Variants in SLC35F1 observed in about 807,000 individuals in gnomAD.
SLC35F1 encodes the protein chromosome 6 open reading frame 169.
SLC35F1 carries 14 observed loss-of-function variants against 48.7 expected under a neutral mutation model. The observed-to-expected ratio is 0.29, with a 90% CI of 0.19 to 0.45. The LOEUF (loss-of-function observed/expected upper bound fraction) is 0.45, where lower values mean the gene tolerates loss of function less well. Ranked by LOEUF, SLC35F1 falls within the 20% of genes least tolerant of loss-of-function variation. The pLI is 1.00. For synonymous variants in SLC35F1, 190 were observed against 202.2 expected, an observed-to-expected ratio of 0.94 and a Z score of 0.51; for missense variants, 404 against 500.0, an observed-to-expected ratio of 0.81 and a Z score of 1.83.
chr6:118,031,772 T>A (rs73521549), intron 1 of SLC35F1, among the ~76,000 whole-genome samples: 3,219 of 152,112 alleles, frequency 0.021, 127 homozygotes, highest in African/African-American at 0.074. Flanking sequence ...TCCATTAGAG[T>A]AAGGGGCAGT....
chr6:118,237,997 G>GA (rs35212559), intron 3 of SLC35F1, among the ~76,000 whole-genome samples: 1 of 151,988 alleles, frequency 6.6e-6, no homozygotes, highest in Non-Finnish European at 1.5e-5. Context: ...GTTCTCACTA[G>GA]AAAAAAACAT....
chr6:118,061,314 C>A (rs538241951), intron 1 of SLC35F1, among the ~76,000 whole-genome samples: 45 of 152,128 alleles, frequency 3.0e-4, no homozygotes, highest in Non-Finnish European at 1.0e-4. Flanking sequence ...GGCTGTCAGA[C>A]CTTCTGTTGG....
chr6:118,262,159 C>T lies in SLC35F1; in HGVS notation c.478-4836C>T, dbSNP rs12171565. On this transcript the variant is annotated intron_variant, in intron 3 of 7. Transcript: ENST00000360388. ...TTCATGACCGTGTTTGAGGGGGCTG[C>T]GCGCATCATGATGAGCACACTTTCG... 4.2e-3 allele frequency among the ~76,000 whole-genome samples: 637 copies of T among 152,112 alleles called. 3 individuals are homozygous for T. The highest frequency in any genetic ancestry group is 0.014 in the African/African-American group (597 of 41,490).
At chr6:118,254,362 G>A (rs892889223) in intron 3 of SLC35F1, among the ~76,000 whole-genome samples, 5 of 152,172 alleles carry the variant, frequency 3.3e-5, no homozygotes, top group African/African-American at 1.2e-4. Flanking sequence ...GCTCACTGCA[G>A]CCTCAAACTT....
chr6:117,922,088 C>T (rs1775906957), intron 1 of SLC35F1, among the ~76,000 whole-genome samples: 1 of 152,046 alleles, frequency 6.6e-6, no homozygotes, highest in Admixed American at 6.6e-5. Flanking sequence ...ATGTAAAGGC[C>T]GGAGTCTACA....
At chr6:118,048,267 T>C (rs1772329865) in intron 1 of SLC35F1, among the ~76,000 whole-genome samples, 1 of 152,166 alleles carries the variant, frequency 6.6e-6, no homozygotes, top group South Asian at 2.1e-4. Flanking sequence ...TTTGATGTGC[T>C]GCTGGATTCG....
At chr6:118,116,889 C>T (rs1168692241) in intron 1 of SLC35F1, among the ~76,000 whole-genome samples, 1 of 152,142 alleles carries the variant, frequency 6.6e-6, no homozygotes, top group Non-Finnish European at 1.5e-5. Context: ...ATCAAGCAGC[C>T]TCACCCTCTT....
intron 3 of SLC35F1, among the ~76,000 whole-genome samples, chr6:118,248,048 G>A (rs1453295741): frequency 2.6e-5 from 4 of 152,182 alleles, no homozygotes; most frequent in Admixed American, 2.6e-4. Flanking sequence ...CAATTTCAAA[G>A]AGTTCATATG....
chr6:117,967,295 A>G (rs1037354440), intron 1 of SLC35F1, among the ~76,000 whole-genome samples: 1 of 152,210 alleles, frequency 6.6e-6, no homozygotes, highest in Non-Finnish European at 1.5e-5. Context: ...AAATATCAAA[A>G]ATACATTTTG....
At chr6:117,976,659 T>C (rs1776708975) in intron 1 of SLC35F1, among the ~76,000 whole-genome samples, 1 of 152,206 alleles carries the variant, frequency 6.6e-6, no homozygotes, top group Non-Finnish European at 1.5e-5. Context: ...TCTATGTTGC[T>C]ATTTTCCTTG....
At chr6:118,274,617 C>G (rs376960628) in intron 4 of SLC35F1, among the ~76,000 whole-genome samples, 1 of 152,088 alleles carries the variant, frequency 6.6e-6, no homozygotes, top group African/African-American at 2.4e-5. Flanking sequence ...AGGCTGGTCT[C>G]GAACTCCTGA....
rs1190027788 is a variant in SLC35F1 at position 118,051,373 on chromosome 6, A to G, written c.174-103072A>G. On this transcript the variant is annotated intron_variant, in intron 1 of 7. Transcript: ENST00000360388. ...TCTCTTGACAGCTTTGCACTTGACT[A>G]TTGCTCAGTACCTCACTGAATAATT... Among the ~76,000 whole-genome samples, 5 of 152,174 alleles carry G rather than the reference A, an allele frequency of 3.3e-5. No individual in the cohort carries two copies. The East Asian group carries it at 5.8e-4, about 18-fold the overall frequency.
intron 1 of SLC35F1, among the ~76,000 whole-genome samples, chr6:118,134,648 CTG>C (rs1773767115): frequency 6.6e-6 from 1 of 152,234 alleles, no homozygotes; most frequent in Non-Finnish European, 1.5e-5. Flanking sequence ...GAAGCCTACT[CTG>C]TGTTTGTCTT....
chr6:118,238,566 G>A (rs980620761), intron 3 of SLC35F1, among the ~76,000 whole-genome samples: 12 of 151,700 alleles, frequency 7.9e-5, no homozygotes, highest in East Asian at 3.9e-4. Flanking sequence ...TTTGTTTTTC[G>A]TTTTTCCCAT....
chr6:118,004,796 G>A (rs888309710), intron 1 of SLC35F1, among the ~76,000 whole-genome samples: 5 of 151,772 alleles, frequency 3.3e-5, no homozygotes, highest in Admixed American at 6.6e-5. Flanking sequence ...TGATCCTCCC[G>A]CCTTGGCCTC....
At chr6:118,036,479 G>T (rs1772133245) in intron 1 of SLC35F1, among the ~76,000 whole-genome samples, 1 of 152,142 alleles carries the variant, frequency 6.6e-6, no homozygotes, top group Non-Finnish European at 1.5e-5. Flanking sequence ...GGAATATTCT[G>T]CAGTCGTAAG....
At chr6:118,018,325 C>T (rs754836284) in intron 1 of SLC35F1, among the ~76,000 whole-genome samples, 7 of 151,384 alleles carry the variant, frequency 4.6e-5, no homozygotes, top group Non-Finnish European at 1.0e-4. Context: ...GAGCTGAGAT[C>T]GCGCCACTGC....
At chr6:118,271,505 A>G (rs1378398637) in intron 4 of SLC35F1, among the ~76,000 whole-genome samples, 1 of 152,134 alleles carries the variant, frequency 6.6e-6, no homozygotes, top group Non-Finnish European at 1.5e-5. Flanking sequence ...GGTTCCCCCT[A>G]TTTGAGAGGC....
At chr6:118,002,260 A>G (rs1375302855) in intron 1 of SLC35F1, among the ~76,000 whole-genome samples, 1 of 152,188 alleles carries the variant, frequency 6.6e-6, no homozygotes, top group Admixed American at 6.5e-5. Flanking sequence ...ACCATGGAAT[A>G]CTATGCAGCC....
Sources: gnomAD v4.1 joint callset for allele counts (sites outside exome capture counted in the v4.1 genomes callset) on GRCh38, gnomAD v4.1.1 for gene constraint, MANE v1.5 for transcripts, NCBI Gene and HGNC (gene_info 2026-07-23, HGNC 2026-07-21) for gene names.